The following MEGF10 variants were observed in gnomAD, a reference collection of about 807,000 sequenced individuals.
MEGF10 encodes multiple epidermal growth factor-like domains protein 10.
Under a neutral mutation model 147.5 loss-of-function variants are expected in MEGF10, and 86 were observed. That is an observed-to-expected ratio of 0.58 (90% CI 0.49 to 0.70). The LOEUF (loss-of-function observed/expected upper bound fraction) is 0.70, where lower values mean the gene tolerates loss of function less well. Among genes scored for constraint, MEGF10 ranks in the 30% least tolerant of loss-of-function variants. The pLI, the probability that MEGF10 is intolerant of heterozygous loss-of-function variation, is 0.00. For synonymous variants in MEGF10, 478 were observed against 525.5 expected (o/e 0.91, Z 1.24); for missense variants, 1,329 against 1,487.3 (o/e 0.89, Z 1.75).
the MEGF10 span, among the ~76,000 whole-genome samples, chr5:127,256,104 G>A: frequency 6.6e-6 from 1 of 152,138 alleles, no homozygotes; most frequent in African/African-American, 2.4e-5. Flanking sequence ...GGAAGCCTCT[G>A]CAGTCATCTG....
chr5:127,311,393 A>G (rs1248078404), intron 1 of MEGF10, among the ~76,000 whole-genome samples: 1 of 152,188 alleles, frequency 6.6e-6, no homozygotes, highest in South Asian at 2.1e-4. Flanking sequence ...TTTAAATGTT[A>G]TGTAAGTTTT....
At chr5:127,404,494 G>C (rs1764252492) in intron 8 of MEGF10, among the ~76,000 whole-genome samples, 2 of 151,974 alleles carry the variant, frequency 1.3e-5, no homozygotes, top group South Asian at 4.2e-4. Flanking sequence ...TCTGTGGGCT[G>C]GCTCTTCACT....
chr5:127,286,650 T>G (rs542128874), upstream of MEGF10, among the ~76,000 whole-genome samples: 8 of 151,392 alleles, frequency 5.3e-5, no homozygotes, highest in Admixed American at 3.3e-4. Context: ...TAAGCAAAAA[T>G]TTGACTTTAA....
chr5:127,233,463 C>G, the MEGF10 span, among the ~76,000 whole-genome samples: 5 of 152,148 alleles, frequency 3.3e-5, no homozygotes, highest in Non-Finnish European at 5.9e-5. Flanking sequence ...CAAGCTTCTG[C>G]CACAGACTTC....
intron 1 of MEGF10, among the ~76,000 whole-genome samples, chr5:127,323,775 A>G (rs1414808052): frequency 1.3e-5 from 2 of 152,292 alleles, no homozygotes; most frequent in African/African-American, 4.8e-5. Context: ...TGAGTTTATA[A>G]TAAGTATGTT....
chr5:127,321,267 T>G (rs1760775326), intron 1 of MEGF10, among the ~76,000 whole-genome samples: 1 of 152,202 alleles, frequency 6.6e-6, no homozygotes, highest in African/African-American at 2.4e-5. Flanking sequence ...GGCCTTCAAC[T>G]CTAACATTCT....
chr5:127,431,283 T>C (rs898255517), intron 13 of MEGF10, among the ~76,000 whole-genome samples: 5 of 152,242 alleles, frequency 3.3e-5, no homozygotes, highest in African/African-American at 1.2e-4. Flanking sequence ...TTTCTTACCA[T>C]GCTCTGATTG....
chr5:127,377,117 C>T (rs779817472), intron 5 of MEGF10, among the ~76,000 whole-genome samples: 1 of 152,098 alleles, frequency 6.6e-6, no homozygotes, highest in Non-Finnish European at 1.5e-5. Flanking sequence ...AATGTTGGGG[C>T]AGATTCTATT....
chr5:127,284,380 CT>C, the MEGF10 span, among the ~76,000 whole-genome samples: 1 of 151,942 alleles, frequency 6.6e-6, no homozygotes, highest in Non-Finnish European at 1.5e-5. Flanking sequence ...CTCCTGAACA[CT>C]TTTTTTTCAG....
chr5:127,284,862 A>T, the MEGF10 span, among the ~76,000 whole-genome samples: 1 of 152,198 alleles, frequency 6.6e-6, no homozygotes, highest in African/African-American at 2.4e-5. Context: ...AAAGGAAATT[A>T]TGGGTATAAG....
intron 13 of MEGF10, chr5:127,424,267 A>T (rs1765132864): frequency 2.9e-6 from 2 of 698,226 alleles, no homozygotes; most frequent in Non-Finnish European, 5.2e-6. Flanking sequence ...TACAGTTTTG[A>T]TTATTGTAGC....
chr5:127,253,624 A>G, the MEGF10 span, among the ~76,000 whole-genome samples: 1 of 152,058 alleles, frequency 6.6e-6, no homozygotes, highest in Non-Finnish European at 1.5e-5. Flanking sequence ...GTGTCAAGTT[A>G]CAAGAAAAAT....
At chr5:127,364,214 A>G (rs533653486) in intron 4 of MEGF10, among the ~76,000 whole-genome samples, 1 of 152,308 alleles carries the variant, frequency 6.6e-6, no homozygotes, top group African/African-American at 2.4e-5. Context: ...CCATCACATA[A>G]TCAAGTTTTG....
chr5:127,427,850 C>A (rs929781), intron 13 of MEGF10, among the ~76,000 whole-genome samples: 2,844 of 152,272 alleles, frequency 0.019, 55 homozygotes, highest in South Asian at 0.079. Flanking sequence ...AATTAACATG[C>A]CTGCACCCAA....
At chr5:127,319,910 G>A (rs1017843728) in intron 1 of MEGF10, among the ~76,000 whole-genome samples, 2 of 152,176 alleles carry the variant, frequency 1.3e-5, no homozygotes, top group Non-Finnish European at 2.9e-5. Context: ...TTGAATTTTG[G>A]CTTAATAGTG....
chr5:127,259,441 G>T, the MEGF10 span, among the ~76,000 whole-genome samples: 8 of 152,274 alleles, frequency 5.3e-5, no homozygotes, highest in East Asian at 1.9e-4. Flanking sequence ...AATGTCAAAG[G>T]GGGGAGAGTG....
intron 4 of MEGF10, among the ~76,000 whole-genome samples, chr5:127,359,554 G>A (rs1194026223): frequency 1.3e-5 from 2 of 151,940 alleles, no homozygotes; most frequent in African/African-American, 4.8e-5. Context: ...TCCCTGCTCA[G>A]GCAACCATTG....
At chr5:127,408,576 A>T (rs1180605587) in intron 8 of MEGF10, among the ~76,000 whole-genome samples, 1 of 152,232 alleles carries the variant, frequency 6.6e-6, no homozygotes, top group Admixed American at 6.5e-5. Context: ...GTACCCATGT[A>T]TAACTTTTAG....
chr5:127,298,470 G>T (rs1759612915), intron 1 of MEGF10, among the ~76,000 whole-genome samples: 1 of 152,112 alleles, frequency 6.6e-6, no homozygotes, highest in Non-Finnish European at 1.5e-5. Flanking sequence ...AATGCTTGAG[G>T]CATGTTTACC....
Sources: gnomAD v4.1 joint callset for allele counts (sites outside exome capture counted in the v4.1 genomes callset) on GRCh38, gnomAD v4.1.1 for gene constraint, MANE v1.5 for transcripts, NCBI Gene and HGNC (gene_info 2026-07-23, HGNC 2026-07-21) for gene names.